The following UBR4 variants were observed in gnomAD, a reference collection of about 807,000 sequenced individuals.
UBR4 encodes the protein E3 ubiquitin-protein ligase UBR4.
UBR4 carries 124 observed loss-of-function variants against 575.6 expected under a neutral mutation model. The observed-to-expected ratio is 0.22, with a 90% CI of 0.19 to 0.25. The LOEUF (loss-of-function observed/expected upper bound fraction) is 0.25, where lower values mean the gene tolerates loss of function less well. Ranked by LOEUF, UBR4 falls within the 10% of genes least tolerant of loss-of-function variation. UBR4 has a pLI of 1.00. For synonymous variants in UBR4, 2,455 were observed against 2,473.7 expected, an observed-to-expected ratio of 0.99 and a Z score of 0.22; for missense variants, 4,818 against 6,478.8, an observed-to-expected ratio of 0.74 and a Z score of 8.80.
rs556065181 is a variant in UBR4, at chr1:19,097,530, C to T, written c.13303-250G>A. Among the ~76,000 whole-genome samples, 36 of 152,324 alleles carry T rather than the reference C, an allele frequency of 2.4e-4. 1 individual carries two copies. The highest frequency in any genetic ancestry group is 3.4e-3 in the Middle Eastern group (1 of 294). On this transcript the variant is annotated intron_variant, in intron 90 of 105. Transcript: ENST00000375254. ...TTAAAGACACTATCTCCTTCAATTT[C>T]ATTAGAACACTATGTAATAATCTAA...
chr1:19,185,142 C>G lies in UBR4; in HGVS notation c.1895G>C (p.Gly632Ala). ...ACTCGCCAGAATGTTGCCCTTCTCA[C>G]CAGGGGCCTGCTTACTGGGGCTTTT... ...RVKSPSKQAP[G>A]EKGNILASRK... Residue 632 changes from glycine to alanine, a missense_variant, in exon 15 of 106, where the codon GGT (glycine) becomes GCT (alanine). Coordinates refer to ENST00000375254, the MANE Select transcript of UBR4 (RefSeq NM_020765.3). 6.2e-7 allele frequency: 1 copy of G among 1,614,164 alleles called. No homozygotes were observed. Among genetic ancestry groups the G allele is most frequent in the South Asian group, 1.1e-5 (1 of 91,080 alleles).
In UBR4 at chr1:19,146,920, G is replaced by C. The variant is rs1260132117; in HGVS notation, c.7710C>G (p.Phe2570Leu). 2 of 1,614,112 alleles carry C rather than the reference G, an allele frequency of 1.2e-6. No homozygotes were observed. Among genetic ancestry groups the C allele is most frequent in the South Asian group, 1.1e-5 (1 of 91,070 alleles). ...AGCGAGCTGTGATCACTAGCCTCTG[G>C]AACACCTCAGGGTCCAAATCCTTGC... is the stretch of plus-strand genomic sequence containing the variant. ...KEGKDLDPEV[F>L]QRLVITARSI... The change falls in exon 52 of 106, where the codon TTC (phenylalanine) becomes TTG (leucine). Residue 2570 changes from phenylalanine to leucine, a missense_variant. This residue lies in a region of UBR4 where 340 missense variants were observed against 375.4 expected (regional missense o/e 0.91). Coordinates refer to ENST00000375254, the MANE Select transcript of UBR4 (RefSeq NM_020765.3).
intron 25 of UBR4, among the ~76,000 whole-genome samples, chr1:19,172,625 C>G (rs912221846): frequency 6.6e-6 from 1 of 152,144 alleles, no homozygotes; most frequent in African/African-American, 2.4e-5. Flanking sequence ...CTGTATCCTA[C>G]GAGTAAAATC....
chr1:19,160,026 C>T (rs1185681474), intron 39 of UBR4, 85 bp downstream of exon 39: 7 of 1,528,158 alleles, frequency 4.6e-6, no homozygotes, highest in African/African-American at 1.4e-5. Context: ...TAAGTATACT[C>T]CTCAGAGCAT....
At chr1:19,173,735 T>A in intron 22 of UBR4, 114 bp from the exon 23 acceptor site, 3 of 1,041,070 alleles carry the variant, frequency 2.9e-6, no homozygotes, top group Non-Finnish European at 4.1e-6. Flanking sequence ...AGAGTCCTGA[T>A]TTTAAATTGA....
rs1399765228 is a variant in UBR4 at position 19,177,635 on chromosome 1, G to C, written c.2463C>G (p.Phe821Leu). The change falls in exon 19 of 106, where the codon TTC becomes TTG. Residue 821 changes from phenylalanine (F) to leucine (L), a missense_variant. This residue lies in a region of UBR4 where 1,172 missense variants were observed against 1,259.7 expected (regional missense o/e 0.93). Transcript: ENST00000375254. ...LQMLLLIFHN[F>L]TETGRRAILS... The stretch of plus-strand genomic sequence containing the variant: ...ATATGGCCCGCCGGCCTGTCTCGGT[G>C]AAATTGTGGAAAATGAGGAGGAGCA... 8 of 1,613,990 alleles carry C rather than the reference G, an allele frequency of 5.0e-6. No individual in the cohort carries two copies. Among genetic ancestry groups the C allele is most frequent in the Non-Finnish European group, 6.8e-6 (8 of 1,180,030 alleles).
intron 97 of UBR4, among the ~76,000 whole-genome samples, chr1:19,092,312 A>C (rs1441425456): frequency 6.6e-6 from 1 of 152,104 alleles, no homozygotes; most frequent in Non-Finnish European, 1.5e-5. Context: ...AATTTATAAT[A>C]ATCTCCAAAT....
Position 19,187,153 on chromosome 1 carries a change from C to A in UBR4, c.1632+11G>T, listed in dbSNP as rs757954536. 3 of 1,598,644 alleles carry A rather than the reference C, an allele frequency of 1.9e-6. No homozygotes were observed. The African/African-American group carries it at 4.0e-5, about 22-fold the overall frequency. ...TTCTTCTAAATTATCAATGGCTTAA[C>A]TCCCACCCACCTTTCTGTAGGAAGT... On this transcript the variant is annotated intron_variant, in intron 13 of 105. Transcript: ENST00000375254.
Position 19,152,239 on chromosome 1 carries a change from G to T in UBR4, c.6996+74C>A. ...TATACTCTATACTTGCTTTCTAAAA[G>T]GAGATGTGTTCTCAAACCATATTGT... On this transcript the variant is annotated intron_variant, in intron 47 of 105. Coordinates refer to ENST00000375254, the MANE Select transcript of UBR4 (RefSeq NM_020765.3). This position sits in a 1 kb window ranked among gnomAD's most constrained non-coding sequence, Gnocchi z 4.4. 1 of 1,572,386 alleles carries T rather than the reference G, an allele frequency of 6.4e-7. No homozygotes were observed. Among genetic ancestry groups the T allele is most frequent in the South Asian group, 1.1e-5 (1 of 87,010 alleles).
chr1:19,145,205 G>A (rs1374090805), intron 53 of UBR4, among the ~76,000 whole-genome samples: 1 of 152,180 alleles, frequency 6.6e-6, no homozygotes, highest in Non-Finnish European at 1.5e-5. Flanking sequence ...GAAATATGAA[G>A]AGGAAGGCAG....
Position 19,076,642 on chromosome 1 carries a change from T to G in UBR4, c.15487+98A>C. Reference sequence around the variant, plus strand: ...GCTGACAGGCTGGTTCATACTGCGTTTCCTCTGGTCGTGAAGATAAAGCTA... The same window carrying G: ...GCTGACAGGCTGGTTCATACTGCGTGTCCTCTGGTCGTGAAGATAAAGCTA... On this transcript the variant is annotated intron_variant, in intron 105 of 105. Coordinates refer to ENST00000375254, the MANE Select transcript of UBR4 (RefSeq NM_020765.3). 2.6e-6 allele frequency: 4 copies of G among 1,539,784 alleles called. No individual in the cohort carries two copies. In the South Asian group the frequency reaches 4.6e-5, roughly 18 times the overall value.
chr1:19,163,781 T>G lies in UBR4; in HGVS notation c.4747A>C (p.Asn1583His). The change falls in exon 34 of 106, where the codon AAT becomes CAT. Residue 1583 changes from asparagine (N) to histidine (H), a missense_variant. By Grantham distance (68) the Asn-to-His change is moderately conservative. This residue lies in a region of UBR4 where 1,172 missense variants were observed against 1,259.7 expected (regional missense o/e 0.93). Transcript: ENST00000375254. ...TTTCTTACCTTTCCATGCATTACAT[T>G]GGCATTCAGTTTTTCAACTACATTC... ...QKNVVEKLNANVMHGKHVMIL... is the reference protein window; with the variant it reads ...QKNVVEKLNAHVMHGKHVMIL... 1 of 1,614,180 alleles carries G rather than the reference T, an allele frequency of 6.2e-7. No homozygotes were observed. The highest frequency in any genetic ancestry group is 2.2e-5 in the East Asian group (1 of 44,882).
At chr1:19,131,243 TA>T (rs869155620) in intron 60 of UBR4, among the ~76,000 whole-genome samples, 46,381 of 102,028 alleles carry the variant, frequency 0.45, 9,939 homozygotes, top group Admixed American at 0.56. Flanking sequence ...TCTTGAAACT[TA>T]AAAAAAAAAA....
chr1:19,144,814 T>C lies in UBR4; in HGVS notation c.8039A>G (p.Lys2680Arg), dbSNP rs2084620044. 5 of 1,614,150 alleles carry C rather than the reference T, an allele frequency of 3.1e-6. No homozygotes were observed. The highest frequency in any genetic ancestry group is 4.2e-6 in the Non-Finnish European group (5 of 1,179,996). Residue 2680 changes from lysine to arginine, a missense_variant, in exon 54 of 106, where the codon AAG (lysine) becomes AGG (arginine). By Grantham distance (26) the Lys-to-Arg change is conservative. Around this residue, in one of 29 missense-constraint regions of UBR4, gnomAD observed 340 missense variants for 375.4 expected, o/e 0.91. Coordinates refer to ENST00000375254, the MANE Select transcript of UBR4 (RefSeq NM_020765.3). ...ACACAAGAGCATCTGCATGTAGATC[T>C]TGGATGCTGTGTTAATACAATCCAG... The part of the protein sequence containing the change: ...CELDCINTAS[K>R]IYMQMLLCPD...
intron 2 of UBR4, among the ~76,000 whole-genome samples, chr1:19,200,205 A>C (rs982504687): frequency 2.0e-5 from 3 of 151,996 alleles, no homozygotes; most frequent in African/African-American, 7.3e-5. Flanking sequence ...CCTGGGCTAC[A>C]CTGGAAGAAT....
rs2077340581 is a variant in UBR4 at position 19,089,763 on chromosome 1, CCAG to C, written c.14212-789_14212-787del. On this transcript the variant is annotated intron_variant, in intron 97 of 105. Coordinates refer to ENST00000375254, the MANE Select transcript of UBR4 (RefSeq NM_020765.3). The surrounding 1 kb of genome is among the most constrained non-coding windows in gnomAD (Gnocchi z 4.3). ...AGACAACAGGCTGAAAATAACACAG[CCAG>C]CAGATCACTCAGTAGCTCATAAATC... Among the ~76,000 whole-genome samples, 1 of 152,190 alleles carries C rather than the reference CCAG, an allele frequency of 6.6e-6. No homozygotes were observed. The highest frequency in any genetic ancestry group is 2.1e-4 in the South Asian group (1 of 4,830).
At position 19,153,566 on chromosome 1, in the gene UBR4, A is replaced by G; in HGVS notation, c.6631-64T>C. On this transcript the variant is annotated intron_variant, in intron 45 of 105. Transcript: ENST00000375254. The surrounding 1 kb of genome is among the most constrained non-coding windows in gnomAD (Gnocchi z 4.1). ...CCCACAGATCAGCATCCTCACAGAA[A>G]AAGAGGCAGAGATGCAACTGGTTTC... is the stretch of plus-strand genomic sequence containing the variant. The G allele has an allele frequency of 6.3e-7, 1 of 1,589,400 alleles. No homozygotes were observed. The highest frequency in any genetic ancestry group is 1.1e-5 in the South Asian group (1 of 89,656).
intron 87 of UBR4, among the ~76,000 whole-genome samples, chr1:19,103,708 TTA>T (rs2078897115): frequency 6.6e-6 from 1 of 152,034 alleles, no homozygotes. Flanking sequence ...GAGATGAACA[TTA>T]TGAGAGATGG....
rs1259456347 is a variant in UBR4 at position 19,076,720 on chromosome 1, G to C, written c.15487+20C>G. ...GCTTTGCTGCGGAGGATCTTTAAAA[G>C]AGAAAACCTTGACACTAACCGGCCA... On this transcript the variant is annotated intron_variant, in intron 105 of 105. Coordinates refer to ENST00000375254, the MANE Select transcript of UBR4 (RefSeq NM_020765.3). 4 of 1,613,964 alleles carry C rather than the reference G, an allele frequency of 2.5e-6. No homozygotes were observed. The highest frequency in any genetic ancestry group is 3.4e-6 in the Non-Finnish European group (4 of 1,179,986).
Sources: gnomAD v4.1 joint callset for allele counts (sites outside exome capture counted in the v4.1 genomes callset) on GRCh38, gnomAD v4.1.1 for gene constraint, gnomAD v4.1.1 regional missense constraint, Gnocchi (gnomAD v3.1) non-coding constraint, MANE v1.5 for transcripts, NCBI Gene and HGNC (gene_info 2026-07-23, HGNC 2026-07-21) for gene names.